KDM4B: variants seen among roughly 807,000 people sequenced by gnomAD.
KDM4B encodes the protein lysine demethylase 4B.
Under a neutral mutation model 125.2 loss-of-function variants are expected in KDM4B, and 32 were observed. The observed-to-expected ratio is 0.26, with a 90% CI of 0.19 to 0.34. KDM4B has a LOEUF of 0.34. KDM4B is among the 10% of genes least tolerant of loss of function. The pLI is 1.00. For missense variants in KDM4B, 1,190 were observed against 1,577.7 expected, an observed-to-expected ratio of 0.75 and a Z score of 4.16; for synonymous variants, 721 against 677.9, an observed-to-expected ratio of 1.06 and a Z score of -0.99.
At chr19:5,025,781 A>G (rs1237013824) in intron 2 of KDM4B, among the ~76,000 whole-genome samples, 2 of 152,138 alleles carry the variant, frequency 1.3e-5, no homozygotes. Flanking sequence ...GTGTTTGACA[A>G]TCACTTCCAG....
chr19:5,011,278 T>C (rs1365675865), intron 1 of KDM4B, among the ~76,000 whole-genome samples: 1 of 152,204 alleles, frequency 6.6e-6, no homozygotes, highest in Non-Finnish European at 1.5e-5. Context: ...TCGATGCTGT[T>C]GGGGCATCAT....
chr19:5,116,260 A>AAG (rs2039253563), intron 10 of KDM4B, among the ~76,000 whole-genome samples: 3 of 149,746 alleles, frequency 2.0e-5, no homozygotes, highest in Admixed American at 2.0e-4. Flanking sequence ...AAAAAAAAAA[A>AAG]AAATTATAAA....
Position 5,082,308 on chromosome 19 carries a change from C to G in KDM4B, c.781-59C>G. On this transcript the variant is annotated intron_variant, in intron 8 of 22. Transcript: ENST00000159111. The surrounding 1 kb of genome is among the most constrained non-coding windows in gnomAD (Gnocchi z 5.4). ...GGCACTTGCTGGGAAGTGCCCACGT[C>G]CCATCCCCTGGTGCGCCTCTGGTGG... 5 of 1,606,892 alleles carry G rather than the reference C, an allele frequency of 3.1e-6. No individual in the cohort carries two copies. Among genetic ancestry groups the G allele is most frequent in the Non-Finnish European group, 3.4e-6 (4 of 1,176,558 alleles).
intron 11 of KDM4B, among the ~76,000 whole-genome samples, chr19:5,123,562 C>T (rs2039399587): frequency 6.6e-6 from 1 of 152,266 alleles, no homozygotes; most frequent in South Asian, 2.1e-4. Flanking sequence ...GACTGCAGCA[C>T]CATTCAACAG....
chr19:5,109,268 G>A (rs148963052), intron 9 of KDM4B, among the ~76,000 whole-genome samples: 72 of 152,282 alleles, frequency 4.7e-4, no homozygotes, highest in African/African-American at 1.6e-3. Context: ...ACAGACCAGA[G>A]CTTCCTGGCC....
At chr19:5,047,453 G>T in intron 5 of KDM4B, 23 bp from the exon 6 acceptor site, 1 of 1,579,160 alleles carries the variant, frequency 6.3e-7, no homozygotes, top group South Asian at 1.1e-5. Context: ...GGCGGTTGCC[G>T]ACGCTGCTCT....
chr19:5,062,085 C>T (rs77047004), intron 6 of KDM4B, among the ~76,000 whole-genome samples: 42 of 152,296 alleles, frequency 2.8e-4, no homozygotes, highest in African/African-American at 9.6e-4. Flanking sequence ...TGAGTCTTTG[C>T]GAAAGGGTCT....
intron 6 of KDM4B, among the ~76,000 whole-genome samples, chr19:5,060,992 G>C (rs767573640): frequency 6.5e-4 from 99 of 152,314 alleles, no homozygotes; most frequent in Non-Finnish European, 1.3e-3. Flanking sequence ...GGCTTGCCTC[G>C]GCGAGTCTGC....
intron 9 of KDM4B, among the ~76,000 whole-genome samples, chr19:5,101,727 G>C (rs947338444): frequency 2.0e-5 from 3 of 146,628 alleles, no homozygotes; most frequent in Non-Finnish European, 4.5e-5. Flanking sequence ...CGGGTGGGCT[G>C]TGGATGCAGG....
At chr19:5,047,762 G>T in intron 6 of KDM4B, 93 bp downstream of exon 6, 7 of 1,312,796 alleles carry the variant, frequency 5.3e-6, no homozygotes, top group Non-Finnish European at 6.4e-6. Flanking sequence ...CGTGGCAGGG[G>T]CCCCACCAGG....
At chr19:5,095,794 C>G (rs1021586433) in intron 9 of KDM4B, among the ~76,000 whole-genome samples, 2 of 152,230 alleles carry the variant, frequency 1.3e-5, no homozygotes, top group South Asian at 4.1e-4. Context: ...GACTCCTCAA[C>G]CTGGGGACCC....
At position 5,138,989 on chromosome 19, in the gene KDM4B, C is replaced by T. The variant is rs2039696991; in HGVS notation, c.2550+919C>T. On this transcript the variant is annotated intron_variant, in intron 18 of 22. Transcript: ENST00000159111. ...CCAGGCTGGAGTGCAGTGGTGTGAT[C>T]ACAGCTCTCTGCAGCCTCAAACTCC... is the stretch of plus-strand genomic sequence containing the variant. Among the ~76,000 whole-genome samples, 3 of 152,190 alleles carry T rather than the reference C, an allele frequency of 2.0e-5. No homozygotes were observed. The South Asian group carries it at 6.2e-4, about 32-fold the overall frequency.
At chr19:5,151,258 C>T (rs1180475089) in intron 22 of KDM4B, 77 bp from the exon 23 acceptor site, 2 of 1,242,556 alleles carry the variant, frequency 1.6e-6, no homozygotes, top group Non-Finnish European at 2.1e-6. Flanking sequence ...CAGCTCCTCT[C>T]AGAGGCCATA....
chr19:5,052,581 C>T (rs528710671), intron 6 of KDM4B, among the ~76,000 whole-genome samples: 2 of 152,342 alleles, frequency 1.3e-5, no homozygotes, highest in African/African-American at 4.8e-5. Flanking sequence ...CTCCCTGGCC[C>T]ACCCGCCTCC....
At chr19:5,021,226 T>G (rs1185214793) in intron 2 of KDM4B, among the ~76,000 whole-genome samples, 1 of 152,002 alleles carries the variant, frequency 6.6e-6, no homozygotes, top group Non-Finnish European at 1.5e-5. Flanking sequence ...GTGGGGCCAC[T>G]CTGACATCAT....
chr19:5,006,076 A>G (rs921469193), intron 1 of KDM4B, among the ~76,000 whole-genome samples: 1 of 152,114 alleles, frequency 6.6e-6, no homozygotes, highest in South Asian at 2.1e-4. Context: ...AGTGAAGGAC[A>G]GAGAAGAAGG....
At chr19:5,029,991 T>C (rs1335714200) in intron 2 of KDM4B, among the ~76,000 whole-genome samples, 1 of 152,234 alleles carries the variant, frequency 6.6e-6, no homozygotes, top group East Asian at 1.9e-4. Context: ...ATGCGTAACC[T>C]GCCATGGGCT....
At chr19:5,057,723 C>T (rs559795859) in intron 6 of KDM4B, among the ~76,000 whole-genome samples, 2 of 152,186 alleles carry the variant, frequency 1.3e-5, no homozygotes, top group Non-Finnish European at 2.9e-5. Flanking sequence ...AGGAGGGCAG[C>T]GGGTCCTGGG....
chr19:5,114,233 C>G lies in KDM4B; in HGVS notation c.1115+3415C>G. 7.8e-7 allele frequency: 1 copy of G among 1,289,472 alleles called. No homozygotes were observed. The highest frequency in any genetic ancestry group is 1.5e-5 in the African/African-American group (1 of 65,990). 79.9% of individuals were successfully genotyped at this position (1,289,472 alleles called of 1,614,324 possible). Reference sequence around the variant, plus strand: ...ACGTGCTCCAGCAGGTACGCGCTCCCTGCAGGACATCTGTGCACCCGCCTC... The same window carrying G: ...ACGTGCTCCAGCAGGTACGCGCTCCGTGCAGGACATCTGTGCACCCGCCTC... On this transcript the variant is annotated intron_variant, in intron 10 of 22. Transcript: ENST00000159111. This position sits in a 1 kb window ranked among gnomAD's most constrained non-coding sequence, Gnocchi z 5.8.
Sources: allele counts gnomAD v4.1 joint callset (sites outside exome capture counted in the v4.1 genomes callset), GRCh38; gene constraint gnomAD v4.1.1; non-coding constraint Gnocchi (gnomAD v3.1); transcripts MANE v1.5; gene names NCBI Gene and HGNC (gene_info 2026-07-23, HGNC 2026-07-21).